OTUD7A: variants seen among roughly 807,000 people sequenced by gnomAD.
OTUD7A encodes OTU domain-containing protein 7A.
OTUD7A carries 12 observed loss-of-function variants against 65.7 expected under a neutral mutation model. The observed-to-expected ratio is 0.18, with a 90% CI of 0.12 to 0.30. The LOEUF (loss-of-function observed/expected upper bound fraction) is 0.30, where lower values mean the gene tolerates loss of function less well. OTUD7A is among the 10% of genes least tolerant of loss of function. The probability of loss-of-function intolerance (pLI) is 1.00; values close to 1 mark genes in which losing one functional copy is unlikely to be tolerated. For missense variants in OTUD7A, 1,148 were observed against 1,304.8 expected (o/e 0.88, Z 1.85); for synonymous variants, 641 against 586.3 (o/e 1.09, Z -1.35).
intron 1 of OTUD7A, among the ~76,000 whole-genome samples, chr15:31,762,325 A>G (rs1041425383): frequency 2.0e-5 from 3 of 152,190 alleles, no homozygotes; most frequent in African/African-American, 4.8e-5. Context: ...GCAAATCCTC[A>G]TTGCTTTTTT....
At chr15:31,672,539 C>A (rs1289304749) in intron 1 of OTUD7A, among the ~76,000 whole-genome samples, 7 of 152,164 alleles carry the variant, frequency 4.6e-5, no homozygotes, top group African/African-American at 1.7e-4. Context: ...CTACAGGCAA[C>A]AATTCCACAG....
At chr15:31,796,166 T>TGTGTGC (rs71113421) in intron 1 of OTUD7A, among the ~76,000 whole-genome samples, 1 of 147,400 alleles carries the variant, frequency 6.8e-6, no homozygotes, top group African/African-American at 2.5e-5. Context: ...TGTGTGTGTG[T>TGTGTGC]ATCTATGTAT....
chr15:31,532,458 G>T (rs1278763434), intron 5 of OTUD7A, among the ~76,000 whole-genome samples: 1 of 151,508 alleles, frequency 6.6e-6, no homozygotes, highest in African/African-American at 2.4e-5. Context: ...TTGGAGAGAA[G>T]AGAAAAAGAA....
rs375186458 is a variant in OTUD7A, at chr15:31,807,603, G to A, written c.-100+62904C>T. Reference sequence around the variant, plus strand: ...TAGAGGGAGAGTTTGGGAAGTGCCTGTCGTGGATTTGGTGGGTTAAGGGTC... The same window carrying A: ...TAGAGGGAGAGTTTGGGAAGTGCCTATCGTGGATTTGGTGGGTTAAGGGTC... On this transcript the variant is annotated intron_variant, in intron 1 of 12. Transcript: ENST00000307050. Among the ~76,000 whole-genome samples the A allele has an allele frequency of 2.7e-4, 41 of 152,254 alleles. 1 individual carries two copies. The highest frequency in any genetic ancestry group is 9.9e-4 in the African/African-American group (41 of 41,562).
At chr15:31,777,640 C>T (rs1471470679) in intron 1 of OTUD7A, among the ~76,000 whole-genome samples, 3 of 152,140 alleles carry the variant, frequency 2.0e-5, no homozygotes, top group Non-Finnish European at 2.9e-5. Flanking sequence ...GCAGGCCCCC[C>T]ATCCCCCACC....
At chr15:31,554,199 C>A (rs1374014874) in intron 5 of OTUD7A, among the ~76,000 whole-genome samples, 1 of 152,200 alleles carries the variant, frequency 6.6e-6, no homozygotes, top group Non-Finnish European at 1.5e-5. Context: ...CCCAGAGTAG[C>A]CTCTGAGGCC....
chr15:31,512,738 G>T (rs2041775043), intron 8 of OTUD7A, among the ~76,000 whole-genome samples: 1 of 152,230 alleles, frequency 6.6e-6, no homozygotes, highest in Admixed American at 6.5e-5. Flanking sequence ...AAAGAAGGAA[G>T]AGGACCAGAC....
intron 1 of OTUD7A, among the ~76,000 whole-genome samples, chr15:31,751,653 G>A (rs751785440): frequency 6.6e-6 from 1 of 152,114 alleles, no homozygotes; most frequent in Non-Finnish European, 1.5e-5. Context: ...ACAAAGACAT[G>A]GAATCAACCT....
At chr15:31,655,048 G>A (rs762827791) in intron 3 of OTUD7A, 48 bp downstream of exon 3, 3 of 1,585,142 alleles carry the variant, frequency 1.9e-6, no homozygotes, top group South Asian at 1.2e-5. Context: ...TATTTGGAAG[G>A]TGGTTATGCC....
At chr15:31,756,638 ACACACACACACAC>A (rs1894822170) in intron 1 of OTUD7A, among the ~76,000 whole-genome samples, 1 of 5,244 alleles carries the variant, frequency 1.9e-4, no homozygotes, top group African/African-American at 3.7e-4. Flanking sequence ...ACACACACAC[ACACACACACACAC>A]ACACACACAC....
At chr15:31,569,322 A>T (rs1566924720) in intron 4 of OTUD7A, among the ~76,000 whole-genome samples, 1 of 152,256 alleles carries the variant, frequency 6.6e-6, no homozygotes, top group Non-Finnish European at 1.5e-5. Context: ...ATCACCATGA[A>T]TACAGCAGTG....
Position 31,620,689 on chromosome 15 carries a change from C to T in OTUD7A, c.151+34407G>A, listed in dbSNP as rs1360856211. ...TTTATTAGTCTTGCTAGCAGTCTAT[C>T]AATTTTGTTGATCCTTTCAAAAAAC... On this transcript the variant is annotated intron_variant, in intron 3 of 12. Coordinates refer to ENST00000307050, the MANE Select transcript of OTUD7A (RefSeq NM_001382637.1). 2.6e-5 allele frequency among the ~76,000 whole-genome samples: 3 copies of T among 115,482 alleles called. No homozygotes were observed. In the South Asian group the frequency reaches 7.4e-4, roughly 29 times the overall value. 75.8% of individuals were successfully genotyped at this position (115,482 alleles called of 152,430 possible). A position where few individuals can be genotyped will look rare whatever the true frequency, so the allele number is the denominator to read the frequency against.
At chr15:31,618,859 T>C (rs1048259899) in intron 3 of OTUD7A, among the ~76,000 whole-genome samples, 3 of 152,346 alleles carry the variant, frequency 2.0e-5, no homozygotes, top group African/African-American at 7.2e-5. Context: ...CATGCCTATG[T>C]CCTGAATGGT....
intron 10 of OTUD7A, among the ~76,000 whole-genome samples, chr15:31,492,492 C>T (rs1307674598): frequency 6.6e-6 from 1 of 150,980 alleles, no homozygotes; most frequent in African/African-American, 2.4e-5. Context: ...GCAGGAGAAT[C>T]GCTTGAACCC....
chr15:31,605,215 T>C (rs1041459083), intron 3 of OTUD7A, among the ~76,000 whole-genome samples: 1 of 152,048 alleles, frequency 6.6e-6, no homozygotes, highest in African/African-American at 2.4e-5. Flanking sequence ...GTGGTAAATA[T>C]GTTATGTGGC....
chr15:31,846,233 C>T (rs1400120343), intron 1 of OTUD7A, among the ~76,000 whole-genome samples: 1 of 152,262 alleles, frequency 6.6e-6, no homozygotes, highest in Non-Finnish European at 1.5e-5. Flanking sequence ...ATATGATCAA[C>T]ATGACTCTTT....
intron 4 of OTUD7A, among the ~76,000 whole-genome samples, chr15:31,564,981 C>T (rs1014353502): frequency 3.3e-5 from 5 of 151,934 alleles, no homozygotes; most frequent in South Asian, 2.1e-4. Flanking sequence ...AAAAAACACA[C>T]GAGGAAGATA....
At chr15:31,635,666 A>T (rs1891318291) in intron 3 of OTUD7A, among the ~76,000 whole-genome samples, 1 of 152,266 alleles carries the variant, frequency 6.6e-6, no homozygotes, top group Non-Finnish European at 1.5e-5. Flanking sequence ...TGCAAATGAT[A>T]AAATTCTAAG....
At chr15:31,829,973 T>C (rs1231332856) in intron 1 of OTUD7A, among the ~76,000 whole-genome samples, 2 of 152,190 alleles carry the variant, frequency 1.3e-5, no homozygotes, top group Admixed American at 1.3e-4. Flanking sequence ...CATGCCCACC[T>C]GTTCCTTGTC....
Sources: gnomAD v4.1 joint callset for allele counts (sites outside exome capture counted in the v4.1 genomes callset) on GRCh38, gnomAD v4.1.1 for gene constraint, MANE v1.5 for transcripts, NCBI Gene and HGNC (gene_info 2026-07-23, HGNC 2026-07-21) for gene names.